The following AOPEP variants were observed in gnomAD, a reference collection of about 807,000 sequenced individuals.
The protein encoded by AOPEP is aminopeptidase O.
A neutral mutation model predicts 98.1 loss-of-function variants in AOPEP; 77 were observed. The ratio of observed to expected loss-of-function variants is 0.78; its 90% confidence interval spans 0.65 to 0.95. AOPEP has a LOEUF of 0.95. AOPEP is among the 40% of genes least tolerant of loss of function. The pLI is 0.00. For synonymous variants in AOPEP, 346 were observed against 365.3 expected (o/e 0.95, Z 0.60); for missense variants, 1,024 against 1,024.7 (o/e 1.00, Z 0.01).
the AOPEP span, chr9:95,124,961 G>A: frequency 3.7e-6 from 3 of 820,304 alleles, no homozygotes; most frequent in Admixed American, 2.0e-5. Context: ...GCACTCATTA[G>A]GAACCTTTCT....
Position 94,844,980 on chromosome 9 carries a change from T to C in AOPEP, c.1364+43978T>C, listed in dbSNP as rs80349699. Reference sequence around the variant, plus strand: ...AGAATTTAATTATTCATTCAATCAATTAACAAATATTTATGGAACACCTAC... The same window carrying C: ...AGAATTTAATTATTCATTCAATCAACTAACAAATATTTATGGAACACCTAC... On this transcript the variant is annotated intron_variant, in intron 5 of 16. Coordinates refer to ENST00000375315, the MANE Select transcript of AOPEP (RefSeq NM_001193329.3). Among the ~76,000 whole-genome samples, 38 of 152,324 alleles carry C rather than the reference T, an allele frequency of 2.5e-4. No individual in the cohort carries two copies. The East Asian group carries it at 5.2e-3, about 21-fold the overall frequency.
At chr9:95,075,499 A>G (rs1055143268) in intron 14 of AOPEP, among the ~76,000 whole-genome samples, 4 of 152,230 alleles carry the variant, frequency 2.6e-5, no homozygotes, top group Non-Finnish European at 4.4e-5. Flanking sequence ...AAAACACTCA[A>G]CAGATTAACT....
rs115605746 is a variant in AOPEP at position 94,913,260 on chromosome 9, T to A, written c.1365-10726T>A. On this transcript the variant is annotated intron_variant, in intron 5 of 16. Coordinates refer to ENST00000375315, the MANE Select transcript of AOPEP (RefSeq NM_001193329.3). ...GAAATAGAAGGCTCATAATTTTAAA[T>A]GGAAAGGTTAGTTAAAATCAGGAGA... Among the ~76,000 whole-genome samples the A allele has an allele frequency of 4.5e-3, 686 of 152,256 alleles. 5 individuals are homozygous for A. Among genetic ancestry groups the A allele is most frequent in the African/African-American group, 0.016 (657 of 41,536 alleles).
Position 94,760,033 on chromosome 9 carries a change from G to C in AOPEP, c.250G>C (p.Val84Leu), listed in dbSNP as rs370247076. ...GATGCCTGAACCCTGCCATATTCCC[G>C]TGACAAATGCAAGGACCTTCTCATC... is the stretch of plus-strand genomic sequence containing the variant. ...FGMPEPCHIP[V>L]TNARTFSSEM... Residue 84 changes from valine (V) to leucine (L), a missense_variant, in exon 2 of 17, where the codon GTG becomes CTG. By Grantham distance (32) the Val-to-Leu change is conservative. This residue lies in a region of AOPEP where 440 missense variants were observed against 433.8 expected (regional missense o/e 1.01). Coordinates refer to ENST00000375315, the MANE Select transcript of AOPEP (RefSeq NM_001193329.3). The C allele has an allele frequency of 1.2e-6, 2 of 1,614,170 alleles. No individual in the cohort carries two copies. Among genetic ancestry groups the C allele is most frequent in the East Asian group, 4.5e-5 (2 of 44,888 alleles).
At chr9:94,852,538 A>G (rs2043681715) in intron 5 of AOPEP, among the ~76,000 whole-genome samples, 1 of 152,198 alleles carries the variant, frequency 6.6e-6, no homozygotes, top group Non-Finnish European at 1.5e-5. Context: ...TATCATGACA[A>G]CTTTTGGCTG....
At chr9:94,855,791 A>G (rs1033247672) in intron 5 of AOPEP, among the ~76,000 whole-genome samples, 9 of 152,234 alleles carry the variant, frequency 5.9e-5, no homozygotes, top group African/African-American at 9.6e-5. Context: ...TAAGCTTGAT[A>G]AATGATGACC....
the AOPEP span, among the ~76,000 whole-genome samples, chr9:95,105,535 A>C: frequency 2.0e-5 from 3 of 152,240 alleles, no homozygotes; most frequent in Admixed American, 6.5e-5. Flanking sequence ...AATATACATA[A>C]AATGTGCTGT....
Position 94,788,363 on chromosome 9 carries a change from C to T in AOPEP, c.965-4402C>T, listed in dbSNP as rs114334124. Among the ~76,000 whole-genome samples, 1,178 of 152,210 alleles carry T rather than the reference C, an allele frequency of 7.7e-3. 20 individuals carry two copies. The highest frequency in any genetic ancestry group is 0.026 in the African/African-American group (1,078 of 41,526). ...CAAAGTGCTAGGATCACACCACATC[C>T]GGCCTTCATTTATATCATTATATTT... On this transcript the variant is annotated intron_variant, in intron 3 of 16. Coordinates refer to ENST00000375315, the MANE Select transcript of AOPEP (RefSeq NM_001193329.3).
rs115236228 is a variant in AOPEP, at chr9:94,855,378, G to T, written c.1364+54376G>T. On this transcript the variant is annotated intron_variant, in intron 5 of 16. Coordinates refer to ENST00000375315, the MANE Select transcript of AOPEP (RefSeq NM_001193329.3). Reference sequence around the variant, plus strand: ...CAAGTGTGAGCCATCAGGCCTGGCCGTGTTTTAGTTTATTATTTAGAAATT... The same window carrying T: ...CAAGTGTGAGCCATCAGGCCTGGCCTTGTTTTAGTTTATTATTTAGAAATT... Among the ~76,000 whole-genome samples the T allele has an allele frequency of 6.5e-3, 996 of 152,218 alleles. 14 individuals are homozygous for T. The highest frequency in any genetic ancestry group is 0.023 in the African/African-American group (948 of 41,562).
the AOPEP span, among the ~76,000 whole-genome samples, chr9:95,105,380 G>T: frequency 6.6e-6 from 1 of 152,162 alleles, no homozygotes; most frequent in East Asian, 1.9e-4. Flanking sequence ...CACAGGTGTT[G>T]TTGGTTTGTG....
At chr9:94,742,518 T>C (rs954316936) in intron 1 of AOPEP, among the ~76,000 whole-genome samples, 3 of 151,950 alleles carry the variant, frequency 2.0e-5, no homozygotes, top group South Asian at 2.1e-4. Flanking sequence ...CACTGCAACC[T>C]CTACCTCCCA....
chr9:95,123,730 G>C, the AOPEP span: 1 of 691,872 alleles, frequency 1.4e-6, no homozygotes, highest in South Asian at 1.4e-5. Context: ...TGTATTTGAA[G>C]CTACATTACT....
chr9:94,813,999 A>G (rs1851184469), intron 5 of AOPEP, among the ~76,000 whole-genome samples: 1 of 152,210 alleles, frequency 6.6e-6, no homozygotes, highest in African/African-American at 2.4e-5. Flanking sequence ...GTCATGCACA[A>G]GGGGGGCTGG....
At chr9:95,056,509 T>A (rs1339202450) in intron 13 of AOPEP, 1 of 152,264 alleles carries the variant, frequency 6.6e-6, no homozygotes, top group Non-Finnish European at 1.5e-5. Context: ...CTCAGTTGCG[T>A]GGGTGGTCTT....
chr9:95,144,569 G>A, the AOPEP span, among the ~76,000 whole-genome samples: 10 of 152,166 alleles, frequency 6.6e-5, no homozygotes, highest in African/African-American at 2.4e-4. Flanking sequence ...AGAAGACCAG[G>A]AGTATTCACT....
At chr9:94,743,661 G>A (rs923020943) in intron 1 of AOPEP, among the ~76,000 whole-genome samples, 3 of 152,196 alleles carry the variant, frequency 2.0e-5, no homozygotes, top group Admixed American at 1.3e-4. Flanking sequence ...AATCAATGAG[G>A]GAGGAGGGAG....
In AOPEP at chr9:94,863,166, C is replaced by T. The variant is rs12006552; in HGVS notation, c.1365-60820C>T. 4.4e-3 allele frequency among the ~76,000 whole-genome samples: 669 copies of T among 152,148 alleles called. 7 individuals are homozygous for T. Among genetic ancestry groups the T allele is most frequent in the Non-Finnish European group, 7.5e-3 (507 of 67,996 alleles). ...TGGAGTGGGAACCGGGGCTGCTTCT[C>T]GCTTCTCTCCTGCTGCTCTACCATC... On this transcript the variant is annotated intron_variant, in intron 5 of 16. Coordinates refer to ENST00000375315, the MANE Select transcript of AOPEP (RefSeq NM_001193329.3).
chr9:95,004,430 T>G (rs1362579726), intron 11 of AOPEP: 1 of 376,292 alleles, frequency 2.7e-6, no homozygotes, highest in African/African-American at 2.1e-5. Context: ...CTCTGCGCCC[T>G]GGCCTCGCCC....
chr9:95,069,307 G>T (rs532469868), intron 14 of AOPEP, among the ~76,000 whole-genome samples: 14 of 152,340 alleles, frequency 9.2e-5, no homozygotes, highest in African/African-American at 3.1e-4. Flanking sequence ...ACGAGTGTCT[G>T]CAGGGCTTAT....
Sources: allele counts gnomAD v4.1 joint callset (sites outside exome capture counted in the v4.1 genomes callset), GRCh38; gene constraint gnomAD v4.1.1; regional missense constraint gnomAD v4.1.1; transcripts MANE v1.5; gene names NCBI Gene and HGNC (gene_info 2026-07-23, HGNC 2026-07-21).